The following LEKR1 variants were observed in gnomAD, a reference collection of about 807,000 sequenced individuals.
LEKR1 encodes leucine, glutamate and lysine rich 1.
LEKR1 carries 59 observed loss-of-function variants against 72.4 expected under a neutral mutation model. The observed-to-expected ratio is 0.82, with a 90% CI of 0.66 to 1.01. LEKR1 has a LOEUF of 1.01. Among genes scored for constraint, LEKR1 ranks in the 50% least tolerant of loss-of-function variants. LEKR1 has a pLI of 0.00. For synonymous variants in LEKR1, 257 were observed against 263.2 expected (o/e 0.98, Z 0.23); for missense variants, 728 against 759.2 (o/e 0.96, Z 0.48).
intron 3 of LEKR1, among the ~76,000 whole-genome samples, chr3:156,872,040 A>G (rs1396343857): frequency 2.0e-5 from 3 of 151,282 alleles, no homozygotes; most frequent in African/African-American, 7.3e-5. Flanking sequence ...AAAGTTAGGA[A>G]TAGTTCAGCA....
At position 157,045,415 on chromosome 3, in the gene LEKR1, A is replaced by G; in HGVS notation, c.1744A>G (p.Arg582Gly). ...ACTGACAGAGGCTTTGAGTCAAGCC[A>G]GAGAACAGCTCCTGGAGCTCAGTAA... ...FELTEALSQA[R>G]EQLLELSKLR... is the part of the protein sequence containing the mutation. Residue 582 changes from arginine to glycine, a missense_variant, in exon 13 of 13, where the codon AGA (arginine) becomes GGA (glycine). Physicochemically the swap from Arg to Gly is moderately radical, Grantham distance 125 (BLOSUM62 -2). Transcript: ENST00000356539. The G allele has an allele frequency of 1.2e-6, 2 of 1,614,172 alleles. No homozygotes were observed. The highest frequency in any genetic ancestry group is 1.7e-6 in the Non-Finnish European group (2 of 1,180,014).
chr3:157,005,764 G>C (rs1732372089), intron 9 of LEKR1, among the ~76,000 whole-genome samples: 3 of 151,982 alleles, frequency 2.0e-5, no homozygotes, highest in Admixed American at 6.6e-5. Context: ...CCACAGACTG[G>C]AATAATATAT....
chr3:156,844,786 C>T (rs1384516272), intron 2 of LEKR1, among the ~76,000 whole-genome samples: 1 of 151,780 alleles, frequency 6.6e-6, no homozygotes. Context: ...GGTTTTTTTC[C>T]ACTTTTCAGC....
At chr3:156,849,142 G>GA (rs1715007154) in intron 2 of LEKR1, among the ~76,000 whole-genome samples, 1 of 152,058 alleles carries the variant, frequency 6.6e-6, no homozygotes, top group Non-Finnish European at 1.5e-5. Context: ...AATCATGAGT[G>GA]AACTCCCATT....
chr3:156,833,453 T>C (rs1576626834), intron 2 of LEKR1, among the ~76,000 whole-genome samples: 1 of 152,366 alleles, frequency 6.6e-6, no homozygotes, highest in East Asian at 1.9e-4. Flanking sequence ...TTGGTTATTT[T>C]TGTGGCATAC....
intron 6 of LEKR1, among the ~76,000 whole-genome samples, chr3:156,951,952 A>AT (rs1199565658): frequency 1.3e-5 from 2 of 151,500 alleles, no homozygotes; most frequent in Non-Finnish European, 3.0e-5. Flanking sequence ...GCTTCAAATA[A>AT]TTTTTTACTA....
At position 156,988,711 on chromosome 3, in the gene LEKR1, A is replaced by T. The variant is rs1309225047; in HGVS notation, c.828-3942A>T. The T allele has an allele frequency of 1.8e-5, 4 of 224,654 alleles. No individual in the cohort carries two copies. In the South Asian group the frequency reaches 4.3e-4, roughly 24 times the overall value. 13.9% of individuals were successfully genotyped at this position (224,654 alleles called of 1,614,324 possible). On this transcript the variant is annotated intron_variant, in intron 7 of 12. Transcript: ENST00000356539. ...AAGCACTTGTTTGTCTCTGGCCTCC[A>T]TTTCTCAGTCTACAATGATGTATCT... is the stretch of plus-strand genomic sequence containing the variant.
intron 6 of LEKR1, among the ~76,000 whole-genome samples, chr3:156,964,849 A>G (rs1728430381): frequency 6.6e-6 from 1 of 152,206 alleles, no homozygotes; most frequent in African/African-American, 2.4e-5. Context: ...AATGTCCTAA[A>G]TATTTTTAGA....
intron 6 of LEKR1, among the ~76,000 whole-genome samples, chr3:156,955,958 TAAAAA>T (rs34940582): frequency 2.0e-5 from 3 of 147,430 alleles, no homozygotes; most frequent in Non-Finnish European, 4.5e-5. Flanking sequence ...GTAGAATAGT[TAAAAA>T]AAAAAAAAAG....
At chr3:157,020,815 A>C (rs975875439) in intron 10 of LEKR1, among the ~76,000 whole-genome samples, 1 of 152,014 alleles carries the variant, frequency 6.6e-6, no homozygotes, top group African/African-American at 2.4e-5. Context: ...TGCTGGGTCA[A>C]ATGGTATTTC....
intron 3 of LEKR1, among the ~76,000 whole-genome samples, chr3:156,870,957 TTTA>T (rs1199327610): frequency 2.0e-5 from 3 of 151,874 alleles, no homozygotes; most frequent in Non-Finnish European, 1.5e-5. Context: ...CATTCTTTTT[TTTA>T]TTATTATTAT....
intron 3 of LEKR1, among the ~76,000 whole-genome samples, chr3:156,871,725 G>A (rs1717982725): frequency 6.6e-6 from 1 of 151,678 alleles, no homozygotes; most frequent in South Asian, 2.1e-4. Context: ...TTCTTTTGAT[G>A]TGATATATCA....
chr3:156,999,018 T>G (rs1731807515), intron 9 of LEKR1, among the ~76,000 whole-genome samples: 1 of 152,064 alleles, frequency 6.6e-6, no homozygotes. Context: ...AGTGAGTGAG[T>G]TCTCACGAGA....
intron 6 of LEKR1, among the ~76,000 whole-genome samples, chr3:156,944,976 T>C (rs1726555079): frequency 6.6e-6 from 1 of 151,722 alleles, no homozygotes; most frequent in Admixed American, 6.6e-5. Context: ...TATGTCTAGT[T>C]TTTTGAGGAA....
rs376132331 is a variant in LEKR1, at chr3:156,841,542, TG to T, written c.49-11225del. On this transcript the variant is annotated intron_variant, in intron 2 of 12. Transcript: ENST00000356539. ...AGCTGCCTAAGGTCCTAGACAAGTG[TG>T]CTAGTCGTAGACTTGGTCATATAAA... 2.7e-3 allele frequency among the ~76,000 whole-genome samples: 418 copies of T among 152,284 alleles called. 2 individuals are homozygous for T. The highest frequency in any genetic ancestry group is 9.8e-3 in the African/African-American group (407 of 41,552).
intron 6 of LEKR1, among the ~76,000 whole-genome samples, chr3:156,963,575 A>G (rs1170766364): frequency 6.6e-6 from 1 of 152,072 alleles, no homozygotes; most frequent in Admixed American, 6.6e-5. Context: ...CTAGCTAATC[A>G]CTGGTACTAT....
chr3:156,923,711 A>C (rs1724426219), intron 4 of LEKR1, among the ~76,000 whole-genome samples: 1 of 150,212 alleles, frequency 6.7e-6, no homozygotes, highest in African/African-American at 2.4e-5. Context: ...TCACTAGGTC[A>C]TATGATTAAT....
chr3:157,023,676 TA>T (rs1162261461), intron 10 of LEKR1, among the ~76,000 whole-genome samples: 6 of 152,132 alleles, frequency 3.9e-5, no homozygotes, highest in Non-Finnish European at 7.3e-5. Context: ...GTCACAAACT[TA>T]AGATCACTCA....
At chr3:156,919,603 TA>T (rs1290564836) in intron 3 of LEKR1, among the ~76,000 whole-genome samples, 4 of 152,306 alleles carry the variant, frequency 2.6e-5, no homozygotes, top group Admixed American at 6.5e-5. Context: ...TTATATGTGA[TA>T]AAAAATGTGT....
Sources: allele counts gnomAD v4.1 joint callset (sites outside exome capture counted in the v4.1 genomes callset), GRCh38; gene constraint gnomAD v4.1.1; transcripts MANE v1.5; gene names NCBI Gene and HGNC (gene_info 2026-07-23, HGNC 2026-07-21).